SOX6: variants seen among roughly 807,000 people sequenced by gnomAD.
SOX6 encodes SRY-box transcription factor 6, also known as transcription factor SOX-6.
SOX6 carries 11 observed loss-of-function variants against 97.8 expected under a neutral mutation model. The ratio of observed to expected loss-of-function variants is 0.11; its 90% CI spans 0.07 to 0.19. SOX6 has a LOEUF of 0.19. SOX6 is among the 10% of genes least tolerant of loss of function. SOX6 has a pLI of 1.00. For synonymous variants in SOX6, 360 were observed against 371.4 expected (o/e 0.97, Z 0.35); for missense variants, 810 against 1,039.5 (o/e 0.78, Z 3.04).
At chr11:16,269,608 T>A (rs1854187319) in intron 3 of SOX6, among the ~76,000 whole-genome samples, 1 of 150,988 alleles carries the variant, frequency 6.6e-6, no homozygotes, top group African/African-American at 2.4e-5. Context: ...TGTACTACTG[T>A]GTCTTTTAGG....
intron 12 of SOX6, among the ~76,000 whole-genome samples, chr11:16,041,781 G>T (rs374657281): frequency 3.3e-5 from 5 of 152,260 alleles, no homozygotes; most frequent in African/African-American, 1.2e-4. Context: ...CTAGCAGGTA[G>T]CTAGTTTATA....
intron 13 of SOX6, among the ~76,000 whole-genome samples, chr11:16,000,534 A>C (rs1461256716): frequency 6.6e-6 from 1 of 152,252 alleles, no homozygotes; most frequent in Non-Finnish European, 1.5e-5. Flanking sequence ...TGGTACTTTA[A>C]TTAAAGTGTT....
At chr11:16,015,199 C>T (rs1357353053) in intron 12 of SOX6, 149 bp from the exon 13 acceptor site, 6 of 723,756 alleles carry the variant, frequency 8.3e-6, no homozygotes, top group East Asian at 2.7e-5. Context: ...AGGAAGATTC[C>T]GTTGAAAGCT....
chr11:16,678,168 T>C (rs1847898546), intron 3 of SOX6, among the ~76,000 whole-genome samples: 2 of 152,166 alleles, frequency 1.3e-5, no homozygotes, highest in South Asian at 4.1e-4. Flanking sequence ...TTGATCTTTA[T>C]TGTTTCTTTC....
intron 1 of SOX6, among the ~76,000 whole-genome samples, chr11:16,445,701 G>C (rs1229428361): frequency 6.6e-6 from 1 of 151,974 alleles, no homozygotes; most frequent in African/African-American, 2.4e-5. Flanking sequence ...TCCTGACCCT[G>C]AGTTCATTGA....
At chr11:16,146,181 C>T (rs1352516498) in intron 6 of SOX6, among the ~76,000 whole-genome samples, 3 of 152,160 alleles carry the variant, frequency 2.0e-5, no homozygotes, top group Middle Eastern at 3.4e-3. Flanking sequence ...AGAACAGAGC[C>T]CTCAGAAATA....
chr11:16,550,527 A>G (rs1589981895), intron 4 of SOX6, among the ~76,000 whole-genome samples: 1 of 152,228 alleles, frequency 6.6e-6, no homozygotes, highest in African/African-American at 2.4e-5. Flanking sequence ...TGGTAGTTGC[A>G]TGTTATATAC....
chr11:16,555,780 C>A (rs1457141930), intron 4 of SOX6, among the ~76,000 whole-genome samples: 1 of 151,466 alleles, frequency 6.6e-6, no homozygotes, highest in Non-Finnish European at 1.5e-5. Flanking sequence ...AGCAGAAGTG[C>A]CTTCCACCAT....
At chr11:16,271,937 C>T (rs148308291) in intron 3 of SOX6, among the ~76,000 whole-genome samples, 1 of 150,274 alleles carries the variant, frequency 6.7e-6, no homozygotes, top group African/African-American at 2.4e-5. Context: ...TAATTTAATT[C>T]ATTTATTTTA....
chr11:16,351,224 A>G (rs1003489019), intron 1 of SOX6, among the ~76,000 whole-genome samples: 3 of 152,032 alleles, frequency 2.0e-5, no homozygotes, highest in African/African-American at 7.2e-5. Flanking sequence ...CACACCCAGA[A>G]GAGTACCACT....
chr11:16,706,989 T>C (rs191305839), intron 3 of SOX6, among the ~76,000 whole-genome samples: 2 of 152,250 alleles, frequency 1.3e-5, no homozygotes, highest in Non-Finnish European at 2.9e-5. Context: ...TGGGAATAGA[T>C]GTACCTTTCC....
chr11:16,266,367 A>G (rs897708361), intron 3 of SOX6, among the ~76,000 whole-genome samples: 6 of 151,716 alleles, frequency 4.0e-5, no homozygotes, highest in Non-Finnish European at 7.4e-5. Flanking sequence ...AAAAAATTTT[A>G]GACACATAAA....
At chr11:15,989,282 GATA>G in intron 13 of SOX6, 52 bp from the exon 14 acceptor site, 1 of 1,473,020 alleles carries the variant, frequency 6.8e-7, no homozygotes, top group Non-Finnish European at 9.2e-7. Flanking sequence ...TTATTTTGTG[GATA>G]ATGTCACACA....
At chr11:16,702,290 A>T (rs1483388062) in intron 3 of SOX6, among the ~76,000 whole-genome samples, 1 of 152,174 alleles carries the variant, frequency 6.6e-6, no homozygotes, top group African/African-American at 2.4e-5. Flanking sequence ...GTCAAAAATG[A>T]TTCTGATCAT....
intron 1 of SOX6, among the ~76,000 whole-genome samples, chr11:16,393,852 G>A (rs1234516345): frequency 1.3e-5 from 2 of 151,944 alleles, no homozygotes; most frequent in Non-Finnish European, 2.9e-5. Context: ...AACTTACGAA[G>A]GACATCCACC....
chr11:16,468,453 T>A (rs1012788587), intron 1 of SOX6, among the ~76,000 whole-genome samples: 1 of 152,186 alleles, frequency 6.6e-6, no homozygotes, highest in Non-Finnish European at 1.5e-5. Flanking sequence ...GTCCTCAAAG[T>A]GTCATTGTTC....
intron 1 of SOX6, among the ~76,000 whole-genome samples, chr11:16,435,200 T>A (rs913368687): frequency 1.3e-5 from 2 of 152,206 alleles, no homozygotes; most frequent in Non-Finnish European, 2.9e-5. Context: ...TGCATATGTA[T>A]ATTTATTTCT....
At chr11:16,600,930 A>C (rs1848260954) in intron 4 of SOX6, among the ~76,000 whole-genome samples, 2 of 152,172 alleles carry the variant, frequency 1.3e-5, no homozygotes, top group African/African-American at 4.8e-5. Flanking sequence ...CTTTTCCTAC[A>C]CTATATAGGA....
chr11:16,127,928 T>C (rs1849647261), intron 6 of SOX6, among the ~76,000 whole-genome samples: 2 of 152,216 alleles, frequency 1.3e-5, no homozygotes, highest in Non-Finnish European at 1.5e-5. Context: ...TGGCTTCTAT[T>C]AGACTGATTC....
Sources: allele counts gnomAD v4.1 joint callset (sites outside exome capture counted in the v4.1 genomes callset), GRCh38; gene constraint gnomAD v4.1.1; transcripts MANE v1.5; gene names NCBI Gene and HGNC (gene_info 2026-07-23, HGNC 2026-07-21).